MAPK14: variants seen among roughly 807,000 people sequenced by gnomAD.
MAPK14 encodes CSAID-binding protein.
MAPK14 carries 16 observed loss-of-function variants against 49.6 expected under a neutral mutation model. That is an observed-to-expected ratio of 0.32 (90% confidence interval 0.22 to 0.49). MAPK14 has a LOEUF of 0.49. Among genes scored for constraint, MAPK14 ranks in the 20% least tolerant of loss-of-function variants. The pLI is 0.99. For synonymous variants in MAPK14, 142 were observed against 158.0 expected (o/e 0.90, Z 0.76); for missense variants, 200 against 441.2 (o/e 0.45, Z 4.90).
intron 9 of MAPK14, chr6:36,097,464 TAGAA>T (rs1311096441): frequency 6.6e-6 from 1 of 152,192 alleles, no homozygotes; most frequent in Non-Finnish European, 1.5e-5. Context: ...AGATGATGCT[TAGAA>T]AGAGCAGTAC....
chr6:36,124,140 C>CT, the MAPK14 span, among the ~76,000 whole-genome samples: 51 of 101,140 alleles, frequency 5.0e-4, no homozygotes, highest in African/African-American at 7.1e-4. Context: ...CCCTCCCTCC[C>CT]TCCCTCCCTC....
intron 9 of MAPK14, among the ~76,000 whole-genome samples, chr6:36,099,939 A>G (rs1765575052): frequency 6.6e-6 from 1 of 152,172 alleles, no homozygotes; most frequent in South Asian, 2.1e-4. Context: ...TTTAACAGTA[A>G]AGATGATGCT....
intron 1 of MAPK14, among the ~76,000 whole-genome samples, chr6:36,048,636 G>A (rs1763278380): frequency 6.6e-6 from 1 of 152,204 alleles, no homozygotes; most frequent in Non-Finnish European, 1.5e-5. Flanking sequence ...CAATAGATTT[G>A]AATGAGGACT....
At chr6:36,058,966 T>C (rs1043633305) in intron 2 of MAPK14, among the ~76,000 whole-genome samples, 1 of 151,622 alleles carries the variant, frequency 6.6e-6, no homozygotes, top group Admixed American at 6.6e-5. Context: ...CTCGGGTCAC[T>C]GCAACCTCCG....
intron 9 of MAPK14, among the ~76,000 whole-genome samples, chr6:36,098,753 T>C (rs1181981067): frequency 1.6e-4 from 25 of 152,186 alleles, no homozygotes; most frequent in Admixed American, 1.6e-3. Flanking sequence ...AAGACCCAAC[T>C]GGTATTCTGC....
intron 8 of MAPK14, among the ~76,000 whole-genome samples, chr6:36,079,391 A>G (rs1346795317): frequency 6.6e-6 from 1 of 152,144 alleles, no homozygotes; most frequent in Non-Finnish European, 1.5e-5. Context: ...TTTAAATGCA[A>G]CCTCTAGAAC....
At chr6:36,114,245 C>A (rs1285534422), downstream of MAPK14, among the ~76,000 whole-genome samples, 1 of 152,150 alleles carries the variant, frequency 6.6e-6, no homozygotes, top group Non-Finnish European at 1.5e-5. Flanking sequence ...ACACTTCATC[C>A]CTCCTAATCT....
chr6:36,103,321 T>C (rs1765698351), intron 10 of MAPK14, among the ~76,000 whole-genome samples: 1 of 129,678 alleles, frequency 7.7e-6, no homozygotes, highest in South Asian at 2.9e-4. Flanking sequence ...GCTTTATTAT[T>C]ATTATTTATT....
the MAPK14 span, among the ~76,000 whole-genome samples, chr6:36,122,568 C>T: frequency 1.3e-5 from 2 of 152,186 alleles, no homozygotes; most frequent in Non-Finnish European, 2.9e-5. Flanking sequence ...CCTACCCTCG[C>T]CAACCTCAAG....
At chr6:36,106,939 G>T (rs144247659) in intron 10 of MAPK14, among the ~76,000 whole-genome samples, 1,661 of 151,476 alleles carry the variant, frequency 0.011, 22 homozygotes, top group African/African-American at 0.037. Flanking sequence ...CCTACCTATT[G>T]TAGGTTACTT....
intron 8 of MAPK14, among the ~76,000 whole-genome samples, chr6:36,083,260 C>A (rs1764837123): frequency 6.6e-6 from 1 of 152,186 alleles, no homozygotes; most frequent in Admixed American, 6.5e-5. Context: ...GGAGCTCCCA[C>A]CCCAAGCCAA....
intron 9 of MAPK14, chr6:36,096,996 C>T (rs1306842899): frequency 6.6e-6 from 1 of 152,240 alleles, no homozygotes; most frequent in African/African-American, 2.4e-5. Flanking sequence ...TTCCTGGATT[C>T]TCCTCCCAAC....
intron 1 of MAPK14, among the ~76,000 whole-genome samples, chr6:36,036,780 G>C (rs1762768624): frequency 6.6e-6 from 1 of 151,906 alleles, no homozygotes; most frequent in African/African-American, 2.4e-5. Context: ...TCGCTCTGTT[G>C]CCCAGCCTGG....
chr6:36,095,588 G>A (rs1158941476), intron 8 of MAPK14, among the ~76,000 whole-genome samples: 2 of 152,140 alleles, frequency 1.3e-5, no homozygotes, highest in African/African-American at 4.8e-5. Context: ...AATTATCAGT[G>A]CACTTTGCTG....
chr6:36,064,039 GTATTAC>G (rs1763936079), intron 3 of MAPK14, among the ~76,000 whole-genome samples: 1 of 151,118 alleles, frequency 6.6e-6, no homozygotes, highest in Non-Finnish European at 1.5e-5. Flanking sequence ...CTGTAATTCA[GTATTAC>G]TATAATATTG....
chr6:36,107,983 G>A lies in MAPK14; in HGVS notation c.1015+355G>A, dbSNP rs1765849330. On this transcript the variant is annotated intron_variant, in intron 11 of 11. Transcript: ENST00000229794. The surrounding 1 kb of genome is among the most constrained non-coding windows in gnomAD (Gnocchi z 4.3). ...ATCAGTTAACTTAGAACTAGTTAGG[G>A]ACATAGCCAGGAATGGAACCCATGT... Among the ~76,000 whole-genome samples the A allele has an allele frequency of 6.6e-6, 1 of 152,150 alleles. No homozygotes were observed. The highest frequency in any genetic ancestry group is 1.5e-5 in the Non-Finnish European group (1 of 68,016).
At chr6:36,073,098 A>G (rs1192932095) in intron 4 of MAPK14, 114 bp downstream of exon 4, 2 of 715,164 alleles carry the variant, frequency 2.8e-6, no homozygotes, top group Admixed American at 4.1e-5. Context: ...AAACACATAA[A>G]ATCACAGGTA....
At chr6:36,071,858 TTTTG>T (rs1400225953) in intron 3 of MAPK14, among the ~76,000 whole-genome samples, 3 of 152,120 alleles carry the variant, frequency 2.0e-5, no homozygotes, top group African/African-American at 4.8e-5. Flanking sequence ...CCTTTGCTGT[TTTTG>T]TTTTCTTTTC....
chr6:36,057,367 A>T (rs141179459), intron 2 of MAPK14, among the ~76,000 whole-genome samples: 13 of 152,350 alleles, frequency 8.5e-5, no homozygotes, highest in Admixed American at 7.8e-4. Context: ...AATGTTAATG[A>T]TAGTTATAAT....
Sources: allele counts gnomAD v4.1 joint callset (sites outside exome capture counted in the v4.1 genomes callset), GRCh38; gene constraint gnomAD v4.1.1; non-coding constraint Gnocchi (gnomAD v3.1); transcripts MANE v1.5; gene names NCBI Gene and HGNC (gene_info 2026-07-23, HGNC 2026-07-21).